Variants in ZNF555 observed in about 807,000 individuals in gnomAD.
ZNF555 encodes the protein zinc finger protein 555.
In ZNF555, 10 loss-of-function variants were observed where a neutral mutation model predicts 14.0. The observed-to-expected ratio is 0.72, with a 90% CI of 0.44 to 1.21. ZNF555 has a LOEUF of 1.21. Ranked by LOEUF, ZNF555 falls within the 50% of genes most tolerant of loss-of-function variation. The pLI is 0.00. For missense variants in ZNF555, 747 were observed against 762.0 expected (o/e 0.98, Z 0.23); for synonymous variants, 277 against 262.4 (o/e 1.06, Z -0.54).
At position 2,853,024 on chromosome 19, in the gene ZNF555, C is replaced by T; in HGVS notation, c.959C>T (p.Ala320Val). ...CATAAATGTAAAGAATGTGGGGAGG[C>T]CTTCAGTTATTCTTCGGCTTTTCGA... ...KPHKCKECGEAFSYSSAFRRH... is the reference protein window; with the variant it reads ...KPHKCKECGEVFSYSSAFRRH... The change falls in exon 4 of 4, where the codon GCC becomes GTC. Residue 320 changes from alanine to valine, a missense_variant. Physicochemically the swap from Ala to Val is moderately conservative, Grantham distance 64. Transcript: ENST00000334241. 6.2e-7 allele frequency: 1 copy of T among 1,614,172 alleles called. No homozygotes were observed. The highest frequency in any genetic ancestry group is 2.2e-5 in the East Asian group (1 of 44,886).
Position 2,849,483 on chromosome 19 carries a change from CTTT to C in ZNF555, c.4-1089_4-1087del, listed in dbSNP as rs113343627. On this transcript the variant is annotated intron_variant, in intron 1 of 3. Transcript: ENST00000334241. ...TTTATCCTTAAGGTTAGCAATAATA[CTTT>C]TTTTTTTTTTTTTTCTGAGACTGAG... Among the ~76,000 whole-genome samples the C allele has an allele frequency of 4.0e-3, 522 of 132,092 alleles. 7 individuals are homozygous for C. Among genetic ancestry groups the C allele is most frequent in the African/African-American group, 0.014 (496 of 35,644 alleles). The allele number at this position is 132,092 out of a possible 152,430, so 86.7% of individuals were successfully genotyped here. A position where few individuals can be genotyped will look rare whatever the true frequency, so the allele number is the denominator to read the frequency against.
At chr19:2,852,011 C>T (rs1183676791) in intron 3 of ZNF555, among the ~76,000 whole-genome samples, 3 of 152,036 alleles carry the variant, frequency 2.0e-5, no homozygotes, top group Non-Finnish European at 4.4e-5. Context: ...ATTAGCAGGG[C>T]ATGGTGCCGC....
intron 1 of ZNF555, among the ~76,000 whole-genome samples, chr19:2,847,616 A>G (rs1241659929): frequency 3.3e-5 from 5 of 152,190 alleles, no homozygotes; most frequent in Admixed American, 6.5e-5. Flanking sequence ...TATTAGCTGA[A>G]CTGATGCTAA....
intron 1 of ZNF555, among the ~76,000 whole-genome samples, chr19:2,843,818 T>A (rs2087558692): frequency 6.6e-6 from 1 of 152,200 alleles, no homozygotes; most frequent in Non-Finnish European, 1.5e-5. Flanking sequence ...ACTGATCAGA[T>A]TTCCCCGAAC....
intron 3 of ZNF555, among the ~76,000 whole-genome samples, chr19:2,852,046 G>T (rs1226181690): frequency 1.3e-5 from 2 of 152,104 alleles, no homozygotes; most frequent in African/African-American, 2.4e-5. Context: ...AGCTACTCGG[G>T]AGGCTGAGGC....
intron 1 of ZNF555, among the ~76,000 whole-genome samples, chr19:2,847,771 C>T (rs2087594031): frequency 6.6e-6 from 1 of 152,176 alleles, no homozygotes; most frequent in Non-Finnish European, 1.5e-5. Flanking sequence ...GTTATAGTCA[C>T]AGGTACCAGG....
chr19:2,857,153 AAT>A lies in ZNF555; in HGVS notation c.*3202_*3203del, dbSNP rs2087689874. The A allele has an allele frequency of 6.6e-6, 1 of 152,220 alleles. No individual in the cohort carries two copies. Among genetic ancestry groups the A allele is most frequent in the African/African-American group, 2.4e-5 (1 of 41,462 alleles). The allele number at this position is 152,220 out of a possible 1,614,324, so 9.4% of individuals were successfully genotyped here. ...TATTAAAGAGCAAACAATATCCAGTAATCTCCATTACTTTCCATGTTAACATA... is the reference window on the plus strand; with the variant it reads ...TATTAAAGAGCAAACAATATCCAGTACTCCATTACTTTCCATGTTAACATA... On this transcript the variant is annotated 3_prime_UTR_variant, in exon 4 of 4. Transcript: ENST00000334241.
chr19:2,841,618 A>G, intron 1 of ZNF555, 43 bp downstream of exon 1: 4 of 1,429,906 alleles, frequency 2.8e-6, no homozygotes, highest in Non-Finnish European at 3.7e-6. Flanking sequence ...GGGCAGCAGG[A>G]ACCGGCGACC....
intron 1 of ZNF555, among the ~76,000 whole-genome samples, chr19:2,850,024 C>T (rs2087615549): frequency 6.6e-6 from 1 of 152,204 alleles, no homozygotes; most frequent in Non-Finnish European, 1.5e-5. Flanking sequence ...TTCTCAATAA[C>T]TTCTAGTTTC....
rs1360613950 is a variant in ZNF555, at chr19:2,856,805, A to G, written c.*2853A>G. ...GAATATAATTCTCTGGGAACTCCCAAAGTTCTCATCTACAAAGCAGAAGTT... is the reference window on the plus strand; with the variant it reads ...GAATATAATTCTCTGGGAACTCCCAGAGTTCTCATCTACAAAGCAGAAGTT... On this transcript the variant is annotated 3_prime_UTR_variant, in exon 4 of 4. Transcript: ENST00000334241. 6.6e-6 allele frequency: 1 copy of G among 152,220 alleles called. No individual in the cohort carries two copies. Among genetic ancestry groups the G allele is most frequent in the Admixed American group, 6.5e-5 (1 of 15,290 alleles). The allele number at this position is 152,220 out of a possible 1,614,324, so 9.4% of individuals were successfully genotyped here. A position where few individuals can be genotyped will look rare whatever the true frequency, so the allele number is the denominator to read the frequency against.
chr19:2,853,482 A>G lies in ZNF555; in HGVS notation c.1417A>G (p.Met473Val). Residue 473 changes from methionine (M) to valine (V), a missense_variant, in exon 4 of 4, where the codon ATG (methionine) becomes GTG (valine). By Grantham distance (21) the Met-to-Val change is conservative. Coordinates refer to ENST00000334241, the MANE Select transcript of ZNF555 (RefSeq NM_152791.5). ...TGCTTGCTTTCGAGAACATGTGAGA[A>G]TGCACCCTGAAGACAAATCCTATGA... The part of the protein sequence containing the change: ...LSACFREHVR[M>V]HPEDKSYECK... The G allele has an allele frequency of 6.2e-7, 1 of 1,614,184 alleles. No individual in the cohort carries two copies. Among genetic ancestry groups the G allele is most frequent in the Middle Eastern group, 1.6e-4 (1 of 6,062 alleles).
At chr19:2,851,079 A>T (rs962256238) in intron 2 of ZNF555, among the ~76,000 whole-genome samples, 2 of 150,748 alleles carry the variant, frequency 1.3e-5, no homozygotes, top group African/African-American at 4.9e-5. Context: ...ACTCACTGCA[A>T]CCTCTGCCTC....
chr19:2,852,546 A>C lies in ZNF555; in HGVS notation c.481A>C (p.Ser161Arg), dbSNP rs1186452816. 6.2e-7 allele frequency: 1 copy of C among 1,614,112 alleles called. No individual in the cohort carries two copies. The highest frequency in any genetic ancestry group is 8.5e-7 in the Non-Finnish European group (1 of 1,180,038). The change falls in exon 4 of 4, where the codon AGT becomes CGT. Residue 161 changes from serine to arginine, a missense_variant. Transcript: ENST00000334241. The part of the protein sequence containing the change: ...VFMHRRTSLK[S>R]PITVHTGHKP... ...CATGCATCGCCGCACATCCCTCAAG[A>C]GTCCCATCACAGTTCACACTGGACA... is the stretch of plus-strand genomic sequence containing the variant.
Position 2,857,881 on chromosome 19 carries a change from G to A in ZNF555, c.*3929G>A, listed in dbSNP as rs2317033. On this transcript the variant is annotated 3_prime_UTR_variant, in exon 4 of 4. Coordinates refer to ENST00000334241, the MANE Select transcript of ZNF555 (RefSeq NM_152791.5). ...ACAAAACATTCCTGAAACTTGACATGTAAGTTCGCAATAAGACTTTTCCCT... is the reference window on the plus strand; with the variant it reads ...ACAAAACATTCCTGAAACTTGACATATAAGTTCGCAATAAGACTTTTCCCT... The A allele has an allele frequency of 0.85, 128,867 of 152,192 alleles. 54,756 individuals are homozygous for A. The highest frequency in any genetic ancestry group is 1 in the East Asian group (5,183 of 5,186). 9.4% of individuals were successfully genotyped at this position (152,192 alleles called of 1,614,324 possible). A position where few individuals can be genotyped will look rare whatever the true frequency, so the allele number is the denominator to read the frequency against.
chr19:2,849,521 A>G (rs948740365), intron 1 of ZNF555, among the ~76,000 whole-genome samples: 3 of 143,580 alleles, frequency 2.1e-5, no homozygotes, highest in Non-Finnish European at 3.0e-5. Flanking sequence ...GTCCTGCCCT[A>G]TCACCCAGGC....
chr19:2,848,354 G>T (rs1244262091), intron 1 of ZNF555, among the ~76,000 whole-genome samples: 1 of 148,986 alleles, frequency 6.7e-6, no homozygotes, highest in Non-Finnish European at 1.5e-5. Flanking sequence ...GGGTTTCACC[G>T]TGTTAGCCAG....
At position 2,853,601 on chromosome 19, in the gene ZNF555, G is replaced by C. The variant is rs376380812; in HGVS notation, c.1536G>C (p.Gln512His). The C allele has an allele frequency of 1.9e-6, 3 of 1,608,738 alleles. No homozygotes were observed. In the African/African-American group the frequency reaches 4.0e-5, roughly 22 times the overall value. ...HTAEKLYKCK[Q>H]CGKAFSWPEL... ...CAGAGAAACTCTATAAATGCAAGCA[G>C]TGTGGGAAAGCTTTCAGTTGGCCTG... Residue 512 changes from glutamine (Q) to histidine (H), a missense_variant, in exon 4 of 4, where the codon CAG becomes CAC. Coordinates refer to ENST00000334241, the MANE Select transcript of ZNF555 (RefSeq NM_152791.5).
chr19:2,842,222 C>T (rs2087543554), intron 1 of ZNF555, among the ~76,000 whole-genome samples: 1 of 152,176 alleles, frequency 6.6e-6, no homozygotes, highest in Admixed American at 6.5e-5. Flanking sequence ...TGCGAGGTTT[C>T]CTCCCCTGAG....
At chr19:2,851,085 G>C (rs537201838) in intron 2 of ZNF555, among the ~76,000 whole-genome samples, 1 of 148,334 alleles carries the variant, frequency 6.7e-6, no homozygotes, top group South Asian at 2.1e-4. Context: ...TGCAACCTCT[G>C]CCTCCCGAGT....
Sources: allele counts gnomAD v4.1 joint callset (sites outside exome capture counted in the v4.1 genomes callset), GRCh38; gene constraint gnomAD v4.1.1; transcripts MANE v1.5; gene names NCBI Gene and HGNC (gene_info 2026-07-23, HGNC 2026-07-21).